The following STAT1 variants were observed in gnomAD, a reference collection of about 807,000 sequenced individuals.
STAT1 encodes signal transducer and activator of transcription 1-alpha/beta.
STAT1 carries 24 observed loss-of-function variants against 111.7 expected under a neutral mutation model. The ratio of observed to expected loss-of-function variants is 0.21; its 90% CI spans 0.16 to 0.30. STAT1 has a LOEUF of 0.30. STAT1 is among the 10% of genes least tolerant of loss of function. The pLI, the probability that STAT1 is intolerant of heterozygous loss-of-function variation, is 1.00. For synonymous variants in STAT1, 332 were observed against 326.5 expected, an observed-to-expected ratio of 1.02 and a Z score of -0.18; for missense variants, 351 against 911.9, an observed-to-expected ratio of 0.38 and a Z score of 7.92.
rs1018614941 is a variant in STAT1, at chr2:190,996,097, G to T, written c.786-878C>A. Reference sequence around the variant, plus strand: ...AGGCCGGGGACAGGAAGAGAGGAAGGAATGATGATTCTGGTTTCACTCAAC... The same window carrying T: ...AGGCCGGGGACAGGAAGAGAGGAAGTAATGATGATTCTGGTTTCACTCAAC... On this transcript the variant is annotated intron_variant, in intron 9 of 24. Coordinates refer to ENST00000361099, the MANE Select transcript of STAT1 (RefSeq NM_007315.4). This position sits in a 1 kb window ranked among gnomAD's most constrained non-coding sequence, Gnocchi z 4.5. 6.6e-6 allele frequency among the ~76,000 whole-genome samples: 1 copy of T among 152,118 alleles called. No individual in the cohort carries two copies. Among genetic ancestry groups the T allele is most frequent in the East Asian group, 1.9e-4 (1 of 5,194 alleles).
Position 190,999,651 on chromosome 2 carries a change from G to A in STAT1, c.516C>T (p.Phe172=). 1 of 1,613,874 alleles carries A rather than the reference G, an allele frequency of 6.2e-7. No homozygotes were observed. The highest frequency in any genetic ancestry group is 8.5e-7 in the Non-Finnish European group (1 of 1,179,844). ...SLEDLQDEYD[F]KCKTLQNREH... ...CTCTGTTCTGCAAGGTTTTGCATTT[G>A]AAGTCATATTCATCTTGTAAATCTT... is the stretch of plus-strand genomic sequence containing the variant. The change falls in exon 7 of 25, where the codon TTC becomes TTT. Residue 172 remains phenylalanine (F), a synonymous_variant. Transcript: ENST00000361099. This position sits in a 1 kb window ranked among gnomAD's most constrained non-coding sequence, Gnocchi z 4.1.
chr2:190,999,616 G>A lies in STAT1; in HGVS notation c.541+10C>T. The A allele has an allele frequency of 1.9e-6, 3 of 1,609,366 alleles. No individual in the cohort carries two copies. Among genetic ancestry groups the A allele is most frequent in the Non-Finnish European group, 1.7e-6 (2 of 1,175,812 alleles). On this transcript the variant is annotated intron_variant, in intron 7 of 24. Coordinates refer to ENST00000361099, the MANE Select transcript of STAT1 (RefSeq NM_007315.4). This position sits in a 1 kb window ranked among gnomAD's most constrained non-coding sequence, Gnocchi z 4.1. ...AGCCAACGGGCACCACTTCAGTTGT[G>A]AACCCTTACCTCTGTTCTGCAAGGT...
rs1270477222 is a variant in STAT1 at position 190,977,459 on chromosome 2, AAATT to A, written c.1874-438_1874-435del. ...GAAAAATCTAATTTTTTATTAAAAT[AAATT>A]ATGATATATAGAAAACAACATTTCA... On this transcript the variant is annotated intron_variant, in intron 21 of 24. Transcript: ENST00000361099. This position sits in a 1 kb window ranked among gnomAD's most constrained non-coding sequence, Gnocchi z 4.7. Among the ~76,000 whole-genome samples, 1 of 152,228 alleles carries A rather than the reference AAATT, an allele frequency of 6.6e-6. No homozygotes were observed. The highest frequency in any genetic ancestry group is 6.5e-5 in the Admixed American group (1 of 15,292).
intron 3 of STAT1, 38 bp downstream of exon 3, chr2:191,009,838 G>A (rs1275009099): frequency 2.5e-6 from 4 of 1,612,056 alleles, no homozygotes; most frequent in Admixed American, 1.7e-5. Context: ...TACTTTTAAG[G>A]TGTAAACTTC....
chr2:190,984,074 A>G lies in STAT1; in HGVS notation c.1347+236T>C, dbSNP rs1176061855. ...AAGTCCCAATGCTTAATGTAAAAAAAAAAAATTAACATCAGCGATCTCAAC... is the reference window on the plus strand; with the variant it reads ...AAGTCCCAATGCTTAATGTAAAAAAGAAAAATTAACATCAGCGATCTCAAC... On this transcript the variant is annotated intron_variant, in intron 16 of 24. Coordinates refer to ENST00000361099, the MANE Select transcript of STAT1 (RefSeq NM_007315.4). This position sits in a 1 kb window ranked among gnomAD's most constrained non-coding sequence, Gnocchi z 5.2. 2.0e-5 allele frequency among the ~76,000 whole-genome samples: 3 copies of G among 152,100 alleles called. No homozygotes were observed. The highest frequency in any genetic ancestry group is 4.8e-5 in the African/African-American group (2 of 41,420).
rs753287741 is a variant in STAT1 at position 190,982,397 on chromosome 2, C to T, written c.1568G>A (p.Gly523Glu). The T allele has an allele frequency of 1.2e-6, 2 of 1,614,180 alleles. No homozygotes were observed. Among genetic ancestry groups the T allele is most frequent in the Non-Finnish European group, 8.5e-7 (1 of 1,180,034 alleles). ...GLNVDQLNML[G>E]EKLLGPNASP... is the part of the protein sequence containing the mutation. The stretch of plus-strand genomic sequence containing the variant: ...TATGCATATACCAAGAAGCTTCTCT[C>T]CCAACATGTTCAGCTGGTCCACATT... The change falls in exon 18 of 25, where the codon GGA becomes GAA. Residue 523 changes from glycine to glutamate, a missense_variant. Coordinates refer to ENST00000361099, the MANE Select transcript of STAT1 (RefSeq NM_007315.4). The surrounding 1 kb of genome is among the most constrained non-coding windows in gnomAD (Gnocchi z 7.3).
intron 24 of STAT1, among the ~76,000 whole-genome samples, chr2:190,972,197 A>G (rs1372548282): frequency 6.6e-6 from 1 of 152,252 alleles, no homozygotes; most frequent in Non-Finnish European, 1.5e-5. Context: ...GGGGATTAAT[A>G]GTACCTAGCA....
At position 190,983,726 on chromosome 2, in the gene STAT1, G is replaced by A. The variant is rs753907638; in HGVS notation, c.1362C>T (p.Pro454=). ...LVIDLETTSL[P]VVVISNVSQL... ...GGCTGACGTTGGAGATCACCACAAC[G>A]GGCAGAGAGGTCGTCTAAAGGATGA... Residue 454 remains proline (P), a synonymous_variant, in exon 17 of 25, where the codon CCC becomes CCT. Coordinates refer to ENST00000361099, the MANE Select transcript of STAT1 (RefSeq NM_007315.4). This position sits in a 1 kb window ranked among gnomAD's most constrained non-coding sequence, Gnocchi z 5.7. The A allele has an allele frequency of 1.7e-5, 27 of 1,613,994 alleles. No homozygotes were observed. Among genetic ancestry groups the A allele is most frequent in the East Asian group, 8.9e-5 (4 of 44,894 alleles).
rs1692403110 is a variant in STAT1 at position 190,981,674 on chromosome 2, G to C, written c.1582+709C>G. On this transcript the variant is annotated intron_variant, in intron 18 of 24. Transcript: ENST00000361099. This position sits in a 1 kb window ranked among gnomAD's most constrained non-coding sequence, Gnocchi z 4.1. ...AGTTAGGAAGAGCCTACTGCTGTTT[G>C]GAGTAAATGCAGTGCTGCTCTACAG... is the stretch of plus-strand genomic sequence containing the variant. Among the ~76,000 whole-genome samples, 1 of 152,236 alleles carries C rather than the reference G, an allele frequency of 6.6e-6. No individual in the cohort carries two copies. Among genetic ancestry groups the C allele is most frequent in the Non-Finnish European group, 1.5e-5 (1 of 68,050 alleles).
In STAT1 at chr2:190,982,595, A is replaced by G; in HGVS notation, c.1447-77T>C. ...AAGTGTGGCACTAAAACATATGTCC[A>G]TCCCAAAGTTCAATTCTAGTTTATA... On this transcript the variant is annotated intron_variant, in intron 17 of 24. Transcript: ENST00000361099. This position sits in a 1 kb window ranked among gnomAD's most constrained non-coding sequence, Gnocchi z 7.3. 2 of 1,526,056 alleles carry G rather than the reference A, an allele frequency of 1.3e-6. No homozygotes were observed. The highest frequency in any genetic ancestry group is 2.3e-5 in the East Asian group (1 of 44,396). 94.5% of individuals were successfully genotyped at this position (1,526,056 alleles called of 1,614,324 possible).
Position 190,999,822 on chromosome 2 carries a change from A to G in STAT1, c.463-118T>C, listed in dbSNP as rs1694130674. 6 of 731,888 alleles carry G rather than the reference A, an allele frequency of 8.2e-6. No individual in the cohort carries two copies. In the East Asian group the frequency reaches 1.3e-4, roughly 16 times the overall value. 45.3% of individuals were successfully genotyped at this position (731,888 alleles called of 1,614,324 possible). On this transcript the variant is annotated intron_variant, in intron 6 of 24. Transcript: ENST00000361099. This position sits in a 1 kb window ranked among gnomAD's most constrained non-coding sequence, Gnocchi z 4.1. ...CACGAAAACAATTCCATCTCCCCCA[A>G]AAAGAGATCTGACTTGGACAGTTCT...
rs759164014 is a variant in STAT1 at position 190,991,317 on chromosome 2, C to G, written c.948G>C (p.Ser316=). 6.2e-7 allele frequency: 1 copy of G among 1,613,908 alleles called. No homozygotes were observed. The highest frequency in any genetic ancestry group is 1.3e-5 in the African/African-American group (1 of 74,882). Residue 316 remains serine (S), a synonymous_variant, in exon 11 of 25, where the codon TCG becomes TCC. Coordinates refer to ENST00000361099, the MANE Select transcript of STAT1 (RefSeq NM_007315.4). ...TGCAGGGCTGTCTTTCCACCACAAA[C>G]GAGCTGCAAATACCCAGCAAAGGAT... The part of the protein sequence containing the change: ...FSLFQQLIQS[S]FVVERQPCMP...
At chr2:191,009,205 T>G in intron 3 of STAT1, 98 bp from the exon 4 acceptor site, 1 of 1,380,622 alleles carries the variant, frequency 7.2e-7, no homozygotes, top group Non-Finnish European at 1.0e-6. Context: ...TTATTAAAAA[T>G]AATTTAAGTA....
Position 191,007,512 on chromosome 2 carries a change from G to T in STAT1, c.372+51C>A. On this transcript the variant is annotated intron_variant, in intron 5 of 24. Transcript: ENST00000361099. The surrounding 1 kb of genome is among the most constrained non-coding windows in gnomAD (Gnocchi z 4.2). ...TGGGCCCTAATAGTATTTGATGAAT[G>T]AATACATTTTTATTTTATTACAGTT... The T allele has an allele frequency of 3.0e-6, 4 of 1,348,564 alleles. No homozygotes were observed. The highest frequency in any genetic ancestry group is 2.3e-5 in the South Asian group (2 of 85,218). The allele number at this position is 1,348,564 out of a possible 1,614,324, so 83.5% of individuals were successfully genotyped here.
In STAT1 at chr2:190,993,262, A is replaced by T; in HGVS notation, c.944+1799T>A. Reference sequence around the variant, plus strand: ...GATCTATTTTCTGCAGTCACTGTTTAATATTATTGAAGGACTCCTGATCTG... The same window carrying T: ...GATCTATTTTCTGCAGTCACTGTTTTATATTATTGAAGGACTCCTGATCTG... On this transcript the variant is annotated intron_variant, in intron 10 of 24. Transcript: ENST00000361099. The surrounding 1 kb of genome is among the most constrained non-coding windows in gnomAD (Gnocchi z 4.1). 1.6e-6 allele frequency: 1 copy of T among 607,026 alleles called. No homozygotes were observed. Among genetic ancestry groups the T allele is most frequent in the East Asian group, 3.0e-5 (1 of 32,878 alleles). The allele number at this position is 607,026 out of a possible 1,614,324, so 37.6% of individuals were successfully genotyped here.
rs1691983396 is a variant in STAT1 at position 190,977,354 on chromosome 2, A to C, written c.1874-329T>G. Among the ~76,000 whole-genome samples, 1 of 152,224 alleles carries C rather than the reference A, an allele frequency of 6.6e-6. No individual in the cohort carries two copies. Among genetic ancestry groups the C allele is most frequent in the African/African-American group, 2.4e-5 (1 of 41,458 alleles). ...CTGCCCATAGGCACATAAATAACTT[A>C]CTACTAAGTGGATCATCTTGGCTTA... On this transcript the variant is annotated intron_variant, in intron 21 of 24. Coordinates refer to ENST00000361099, the MANE Select transcript of STAT1 (RefSeq NM_007315.4). This position sits in a 1 kb window ranked among gnomAD's most constrained non-coding sequence, Gnocchi z 4.7.
rs1691860946 is a variant in STAT1, at chr2:190,975,755, C to T, written c.2135+57G>A. 4.3e-6 allele frequency: 7 copies of T among 1,611,254 alleles called. No homozygotes were observed. In the African/African-American group the frequency reaches 8.0e-5, roughly 18 times the overall value. ...TACAAGCATCTTCAACAGGCCCCAGCCAGGAGCAAGGCTGGCTTGAGGTTT... is the reference window on the plus strand; with the variant it reads ...TACAAGCATCTTCAACAGGCCCCAGTCAGGAGCAAGGCTGGCTTGAGGTTT... On this transcript the variant is annotated intron_variant, in intron 23 of 24. Transcript: ENST00000361099. The surrounding 1 kb of genome is among the most constrained non-coding windows in gnomAD (Gnocchi z 5.9).
chr2:191,009,776 T>C, intron 3 of STAT1, 100 bp downstream of exon 3: 1 of 1,460,780 alleles, frequency 6.8e-7, no homozygotes, highest in Non-Finnish European at 9.6e-7. Context: ...CAGTGGCCAT[T>C]GATGGAATTC....
At position 190,992,129 on chromosome 2, in the gene STAT1, T is replaced by C. The variant is rs569804842; in HGVS notation, c.945-809A>G. ...TACAATATTCTGCAGCCACAAATTA[T>C]ATGCAGAGTATGAAGAAGCTATTAA... On this transcript the variant is annotated intron_variant, in intron 10 of 24. Coordinates refer to ENST00000361099, the MANE Select transcript of STAT1 (RefSeq NM_007315.4). Among the ~76,000 whole-genome samples, 21 of 152,342 alleles carry C rather than the reference T, an allele frequency of 1.4e-4. No homozygotes were observed. The East Asian group carries it at 4.0e-3, about 29-fold the overall frequency.
Sources: allele counts gnomAD v4.1 joint callset (sites outside exome capture counted in the v4.1 genomes callset), GRCh38; gene constraint gnomAD v4.1.1; non-coding constraint Gnocchi (gnomAD v3.1); transcripts MANE v1.5; gene names NCBI Gene and HGNC (gene_info 2026-07-23, HGNC 2026-07-21).